The following MRTFA variants were observed in gnomAD, a reference collection of about 807,000 sequenced individuals.
MRTFA encodes the protein myocardin related transcription factor A, also known as myocardin-related transcription factor A.
MRTFA carries 20 observed loss-of-function variants against 83.5 expected under a neutral mutation model. The observed-to-expected ratio is 0.24, with a 90% CI of 0.17 to 0.35. The LOEUF is 0.35. Among genes scored for constraint, MRTFA ranks in the 10% least tolerant of loss-of-function variants. The pLI is 1.00. For synonymous variants in MRTFA, 659 were observed against 541.2 expected, an observed-to-expected ratio of 1.22 and a Z score of -3.02; for missense variants, 1,200 against 1,224.7, an observed-to-expected ratio of 0.98 and a Z score of 0.30.
intron 2 of MRTFA, among the ~76,000 whole-genome samples, chr22:40,584,926 T>A (rs1224480303): frequency 2.6e-5 from 4 of 151,912 alleles, no homozygotes; most frequent in Non-Finnish European, 4.4e-5. Flanking sequence ...ACGCCTGTAG[T>A]CCCAGCTACC....
chr22:40,424,265 G>A lies in MRTFA; in HGVS notation c.718C>T (p.Pro240Ser), dbSNP rs754296523. The A allele has an allele frequency of 4.3e-6, 7 of 1,611,050 alleles. No homozygotes were observed. The South Asian group carries it at 6.6e-5, about 15-fold the overall frequency. ...GGTTCGCTGACTCGGGCCTCCAGGG[G>A]TGACGGCACAGAACCCTGGGACTCA... Residue 240 changes from proline to serine, a missense_variant, in exon 8 of 15, where the codon CCC becomes TCC. This residue lies in a region of MRTFA where 1,107 missense variants were observed against 1,041.8 expected (regional missense o/e 1.06). Coordinates refer to ENST00000355630, the MANE Select transcript of MRTFA (RefSeq NM_020831.6).
chr22:40,430,662 C>T (rs922158986), intron 6 of MRTFA, among the ~76,000 whole-genome samples: 6 of 151,946 alleles, frequency 3.9e-5, no homozygotes, highest in African/African-American at 1.5e-4. Context: ...AGTTCGAGAC[C>T]AGCCTGGCCA....
intron 1 of MRTFA, among the ~76,000 whole-genome samples, chr22:40,628,405 G>C (rs896780217): frequency 6.6e-6 from 1 of 152,032 alleles, no homozygotes; most frequent in Non-Finnish European, 1.5e-5. Context: ...TTTAATACAA[G>C]AACAATTATT....
At chr22:40,610,741 A>C (rs1000545601) in intron 1 of MRTFA, among the ~76,000 whole-genome samples, 1 of 152,170 alleles carries the variant, frequency 6.6e-6, no homozygotes, top group Non-Finnish European at 1.5e-5. Context: ...AAGAAAGAAA[A>C]TATATCAATT....
intron 1 of MRTFA, among the ~76,000 whole-genome samples, chr22:40,617,659 G>A (rs541799098): frequency 4.7e-5 from 7 of 149,396 alleles, no homozygotes; most frequent in Admixed American, 2.0e-4. Context: ...CCCGGGAGGC[G>A]GAGCTTGCAG....
rs369102921 is a variant in MRTFA, at chr22:40,607,503, C to CAA, written c.-83-12770_-83-12769dup. Reference sequence around the variant, plus strand: ...TGGGCGACAGAGCGAGACTCCGTCTCAAAAAAAAAAAAAAAAGAACAACAG... The same window carrying CAA: ...TGGGCGACAGAGCGAGACTCCGTCTCAAAAAAAAAAAAAAAAAAGAACAACAG... On this transcript the variant is annotated intron_variant, in intron 1 of 14. Coordinates refer to ENST00000355630, the MANE Select transcript of MRTFA (RefSeq NM_020831.6). Among the ~76,000 whole-genome samples the CAA allele has an allele frequency of 1.3e-3, 130 of 102,012 alleles. 1 individual carries two copies. Among genetic ancestry groups the CAA allele is most frequent in the East Asian group, 6.2e-3 (26 of 4,218 alleles). The allele number at this position is 102,012 out of a possible 152,430, so 66.9% of individuals were successfully genotyped here.
intron 4 of MRTFA, among the ~76,000 whole-genome samples, chr22:40,452,482 C>G (rs1049848305): frequency 1.3e-5 from 2 of 152,030 alleles, no homozygotes; most frequent in African/African-American, 4.8e-5. Flanking sequence ...AACTTAACAC[C>G]TGCTGTACTT....
chr22:40,584,109 A>G (rs1412982687), intron 2 of MRTFA, among the ~76,000 whole-genome samples: 1 of 152,120 alleles, frequency 6.6e-6, no homozygotes, highest in Non-Finnish European at 1.5e-5. Flanking sequence ...AGTAGATGGG[A>G]AAAAAATCAG....
At chr22:40,541,856 C>A (rs1171687981) in intron 3 of MRTFA, among the ~76,000 whole-genome samples, 1 of 152,034 alleles carries the variant, frequency 6.6e-6, no homozygotes, top group Admixed American at 6.6e-5. Flanking sequence ...TTAGTAGAGA[C>A]AGGGTTTCAC....
intron 3 of MRTFA, among the ~76,000 whole-genome samples, chr22:40,517,373 G>A (rs949537049): frequency 2.0e-5 from 3 of 152,178 alleles, no homozygotes; most frequent in Admixed American, 6.5e-5. Context: ...ATGGAGCAAA[G>A]GAACCTCGAC....
intron 3 of MRTFA, among the ~76,000 whole-genome samples, chr22:40,504,653 G>A (rs2054551566): frequency 6.6e-6 from 1 of 152,090 alleles, no homozygotes; most frequent in African/African-American, 2.4e-5. Flanking sequence ...TAAATGACAA[G>A]GAAAGAAAGA....
chr22:40,576,227 T>C (rs1326831950), intron 2 of MRTFA, among the ~76,000 whole-genome samples: 7 of 151,934 alleles, frequency 4.6e-5, no homozygotes, highest in African/African-American at 1.5e-4. Flanking sequence ...GACGGGGTTT[T>C]GCCATGTTGG....
intron 4 of MRTFA, among the ~76,000 whole-genome samples, chr22:40,438,228 TA>T (rs2053208252): frequency 6.6e-6 from 1 of 152,136 alleles, no homozygotes; most frequent in Non-Finnish European, 1.5e-5. Context: ...AGAACCCTTG[TA>T]AGGAAGAAAC....
chr22:40,470,277 A>ATATG (rs2053885624), intron 3 of MRTFA, among the ~76,000 whole-genome samples: 6 of 116,448 alleles, frequency 5.2e-5, no homozygotes, highest in South Asian at 2.6e-4. Flanking sequence ...ATATATATAT[A>ATATG]TATAAAGAAA....
rs140559078 is a variant in MRTFA at position 40,588,141 on chromosome 22, G to A, written c.-22+6533C>T. The stretch of plus-strand genomic sequence containing the variant: ...CCTCCCAGGTTCAAGCGATTCTCCC[G>A]CCTCAGCCTCCTGAGTAGCTAGGAT... On this transcript the variant is annotated intron_variant, in intron 2 of 14. Coordinates refer to ENST00000355630, the MANE Select transcript of MRTFA (RefSeq NM_020831.6). 6.0e-3 allele frequency: 928 copies of A among 155,244 alleles called. 20 individuals are homozygous for A. In the Middle Eastern group the frequency reaches 0.066, roughly 11 times the overall value. 9.6% of individuals were successfully genotyped at this position (155,244 alleles called of 1,614,324 possible).
chr22:40,586,622 G>C (rs546186308), intron 2 of MRTFA: 261 of 179,032 alleles, frequency 1.5e-3, no homozygotes, highest in Non-Finnish European at 1.9e-3. Context: ...AGCAATCACT[G>C]TTTTTTTCAC....
intron 3 of MRTFA, among the ~76,000 whole-genome samples, chr22:40,499,581 C>T (rs1287296260): frequency 2.6e-5 from 4 of 152,096 alleles, no homozygotes; most frequent in Non-Finnish European, 5.9e-5. Flanking sequence ...AATTTTAATA[C>T]CTCCTTATCT....
At chr22:40,624,656 C>G (rs2056561015) in intron 1 of MRTFA, among the ~76,000 whole-genome samples, 1 of 152,156 alleles carries the variant, frequency 6.6e-6, no homozygotes, top group Admixed American at 6.5e-5. Flanking sequence ...TCTAAGCTCA[C>G]CTCATGAAAG....
In MRTFA at chr22:40,418,458, G is replaced by A. The variant is rs774753571; in HGVS notation, c.2280C>T (p.Thr760=). Residue 760 remains threonine, a synonymous_variant, in exon 12 of 15, where the codon ACC becomes ACT. Transcript: ENST00000355630. Reference sequence around the variant, plus strand: ...GGACAAGGTGGGTCCCTGTGGAGTCGGTGATGAGGGTGGGAGGTGCAACCC... The same window carrying A: ...GGACAAGGTGGGTCCCTGTGGAGTCAGTGATGAGGGTGGGAGGTGCAACCC... 55 of 1,613,862 alleles carry A rather than the reference G, an allele frequency of 3.4e-5. No individual in the cohort carries two copies. The highest frequency in any genetic ancestry group is 1.9e-4 in the South Asian group (17 of 91,092).
Sources: allele counts gnomAD v4.1 joint callset (sites outside exome capture counted in the v4.1 genomes callset), GRCh38; gene constraint gnomAD v4.1.1; regional missense constraint gnomAD v4.1.1; transcripts MANE v1.5; gene names NCBI Gene and HGNC (gene_info 2026-07-23, HGNC 2026-07-21).